WDR7: variants seen among roughly 807,000 people sequenced by gnomAD.
WDR7 encodes WD repeat domain 7, also known as WD repeat-containing protein 7.
WDR7 carries 46 observed loss-of-function variants against 169.4 expected under a neutral mutation model. That is an observed-to-expected ratio of 0.27 (90% confidence interval 0.21 to 0.35). The LOEUF (loss-of-function observed/expected upper bound fraction) is 0.35, where lower values mean the gene tolerates loss of function less well. Ranked by LOEUF, WDR7 falls within the 10% of genes least tolerant of loss-of-function variation. The probability of loss-of-function intolerance (pLI) is 1.00; values close to 1 mark genes in which losing one functional copy is unlikely to be tolerated. For synonymous variants in WDR7, 612 were observed against 666.8 expected (o/e 0.92, Z 1.27); for missense variants, 1,534 against 1,859.3 (o/e 0.83, Z 3.22).
chr18:56,802,112 C>G (rs990402716), intron 19 of WDR7, among the ~76,000 whole-genome samples: 1 of 152,164 alleles, frequency 6.6e-6, no homozygotes, highest in Admixed American at 6.5e-5. Flanking sequence ...TCTTTGTCAG[C>G]ATCTCATATT....
At chr18:56,712,166 G>T (rs906757013) in intron 12 of WDR7, among the ~76,000 whole-genome samples, 1 of 152,224 alleles carries the variant, frequency 6.6e-6, no homozygotes, top group Admixed American at 6.5e-5. Context: ...TTGGAAAGTG[G>T]AGTCATCTCC....
intron 20 of WDR7, 66 bp downstream of exon 20, chr18:56,816,210 T>A: frequency 7.2e-7 from 1 of 1,392,654 alleles, no homozygotes; most frequent in Non-Finnish European, 9.9e-7. Context: ...TTTTCTAGGT[T>A]ATTTGTGGTG....
At chr18:56,877,904 G>A (rs995439524) in intron 20 of WDR7, among the ~76,000 whole-genome samples, 1 of 152,066 alleles carries the variant, frequency 6.6e-6, no homozygotes, top group Non-Finnish European at 1.5e-5. Context: ...TATAAAAATT[G>A]GAAACCTTTG....
chr18:56,746,626 CA>C (rs1298456318), intron 14 of WDR7, among the ~76,000 whole-genome samples: 1 of 152,136 alleles, frequency 6.6e-6, no homozygotes, highest in Non-Finnish European at 1.5e-5. Flanking sequence ...ATAATACAGC[CA>C]GATCAGACAG....
Position 56,695,105 on chromosome 18 carries a change from G to A in WDR7, c.1264G>A (p.Val422Ile). ...SVYIPAHGRL[V>I]CGREDGSIVI... ...GTACATACCAGCACATGGACGACTT[G>A]TTTGTGGTCGTGAAGATGGAAGCAT... Residue 422 changes from valine (V) to isoleucine (I), a missense_variant, in exon 11 of 28, where the codon GTT becomes ATT. Physicochemically the swap from Val to Ile is conservative, Grantham distance 29. Coordinates refer to ENST00000254442, the MANE Select transcript of WDR7 (RefSeq NM_015285.3). 1 of 1,614,090 alleles carries A rather than the reference G, an allele frequency of 6.2e-7. No homozygotes were observed. The highest frequency in any genetic ancestry group is 8.5e-7 in the Non-Finnish European group (1 of 1,180,008).
At chr18:56,730,045 G>A (rs796838616) in intron 13 of WDR7, among the ~76,000 whole-genome samples, 25 of 151,846 alleles carry the variant, frequency 1.6e-4, no homozygotes, top group African/African-American at 6.0e-4. Context: ...TTTTCTCATA[G>A]ATTTGTTAGA....
chr18:57,026,648 G>T (rs140946104), intron 27 of WDR7, among the ~76,000 whole-genome samples: 1 of 152,162 alleles, frequency 6.6e-6, no homozygotes, highest in Admixed American at 6.5e-5. Context: ...TAGCATTGTG[G>T]TAAAGAACAT....
chr18:56,834,760 G>C (rs115212301), intron 20 of WDR7, among the ~76,000 whole-genome samples: 95 of 152,216 alleles, frequency 6.2e-4, no homozygotes, highest in African/African-American at 2.2e-3. Context: ...AAGTGGAATC[G>C]TTTAAAATGT....
intron 26 of WDR7, among the ~76,000 whole-genome samples, chr18:56,991,572 C>T (rs560412804): frequency 7.2e-4 from 110 of 152,252 alleles, no homozygotes; most frequent in African/African-American, 2.5e-3. Flanking sequence ...AAATTTTAGA[C>T]ATTATGTGGA....
At chr18:57,005,200 TAAAA>T (rs967460164) in intron 26 of WDR7, among the ~76,000 whole-genome samples, 1 of 152,126 alleles carries the variant, frequency 6.6e-6, no homozygotes, top group African/African-American at 2.4e-5. Context: ...AAAAACTGTT[TAAAA>T]AAATGATGTC....
intron 19 of WDR7, among the ~76,000 whole-genome samples, chr18:56,785,717 T>C (rs1349742311): frequency 1.3e-5 from 2 of 152,208 alleles, no homozygotes; most frequent in South Asian, 2.1e-4. Context: ...GACTGGGATC[T>C]TCTATATTTT....
At chr18:56,725,689 T>C (rs1031215211) in intron 13 of WDR7, among the ~76,000 whole-genome samples, 5 of 152,226 alleles carry the variant, frequency 3.3e-5, no homozygotes, top group African/African-American at 4.8e-5. Context: ...TTGGCTTTTG[T>C]TGCCATTGCT....
At chr18:56,694,844 A>G (rs777036116) in intron 10 of WDR7, 84 bp downstream of exon 10, 79 of 1,531,598 alleles carry the variant, frequency 5.2e-5, no homozygotes, top group Non-Finnish European at 6.6e-5. Flanking sequence ...TAATGTACAT[A>G]TATCATTTTC....
At chr18:56,887,603 A>G (rs1170455618) in intron 21 of WDR7, among the ~76,000 whole-genome samples, 1 of 152,086 alleles carries the variant, frequency 6.6e-6, no homozygotes, top group African/African-American at 2.4e-5. Flanking sequence ...ATTTTATTTT[A>G]ACTGCTATAA....
chr18:56,706,191 GC>G (rs2025949278), intron 12 of WDR7, among the ~76,000 whole-genome samples: 1 of 152,202 alleles, frequency 6.6e-6, no homozygotes, highest in South Asian at 2.1e-4. Context: ...GATTTGACAA[GC>G]TGGTAAAATG....
intron 21 of WDR7, among the ~76,000 whole-genome samples, chr18:56,899,230 T>C (rs1406863782): frequency 6.6e-6 from 1 of 152,062 alleles, no homozygotes; most frequent in Non-Finnish European, 1.5e-5. Context: ...ATTTTTAGCA[T>C]ATATCATTGT....
At chr18:56,957,408 A>G (rs901640318) in intron 25 of WDR7, 23 of 151,624 alleles carry the variant, frequency 1.5e-4, no homozygotes, top group African/African-American at 5.3e-4. Context: ...GCGCTTTGCC[A>G]TTACTGATGG....
At chr18:56,669,483 T>G (rs1376986124) in intron 1 of WDR7, among the ~76,000 whole-genome samples, 1 of 152,136 alleles carries the variant, frequency 6.6e-6, no homozygotes, top group Non-Finnish European at 1.5e-5. Flanking sequence ...AGTCTCTAAA[T>G]GTAACTTTAA....
At chr18:56,812,432 A>G (rs925030873) in intron 19 of WDR7, among the ~76,000 whole-genome samples, 1 of 152,202 alleles carries the variant, frequency 6.6e-6, no homozygotes, top group Non-Finnish European at 1.5e-5. Context: ...CTCCAGAGAA[A>G]CAGAACCAAA....
Sources: allele counts gnomAD v4.1 joint callset (sites outside exome capture counted in the v4.1 genomes callset), GRCh38; gene constraint gnomAD v4.1.1; transcripts MANE v1.5; gene names NCBI Gene and HGNC (gene_info 2026-07-23, HGNC 2026-07-21).